Variants in IL18BP observed in about 807,000 individuals in gnomAD.
The protein encoded by IL18BP is interleukin-18-binding protein.
IL18BP carries 23 observed loss-of-function variants against 19.9 expected under a neutral mutation model. The ratio of observed to expected loss-of-function variants is 1.15; its 90% CI spans 0.83 to 1.64. The LOEUF (loss-of-function observed/expected upper bound fraction) is 1.64, where lower values mean the gene tolerates loss of function less well. IL18BP is among the 40% of genes most tolerant of loss of function. IL18BP has a pLI of 0.00. For missense variants in IL18BP, 239 were observed against 240.7 expected (o/e 0.99, Z 0.05); for synonymous variants, 107 against 101.0 (o/e 1.06, Z -0.35).
At chr11:72,005,958 C>CT (rs1054126438), downstream of IL18BP, 6 of 1,250,176 alleles carry the variant, frequency 4.8e-6, no homozygotes, top group South Asian at 5.7e-5. Context: ...TTTTAAAAAG[C>CT]TTTCCTCTTT....
chr11:72,003,656 C>T, downstream of IL18BP: 1 of 1,362,416 alleles, frequency 7.3e-7, no homozygotes, highest in Non-Finnish European at 1.0e-6. Flanking sequence ...CCTTGTGAGC[C>T]CCAGGGTTAT....
At chr11:71,999,823 G>T in intron 1 of IL18BP, 104 bp from the exon 2 acceptor site, 1 of 652,874 alleles carries the variant, frequency 1.5e-6, no homozygotes, top group Non-Finnish European at 2.7e-6. Context: ...TGCTGAAAGA[G>T]CTCCAGGCTA....
downstream of IL18BP, chr11:72,003,681 G>C (rs923506957): frequency 2.6e-6 from 3 of 1,141,438 alleles, no homozygotes; most frequent in Non-Finnish European, 3.9e-6. Context: ...TGCTGGCTGT[G>C]CCTGAGCAGC....
downstream of IL18BP, chr11:72,007,665 G>A (rs75840418): frequency 3.0e-3 from 1,772 of 584,206 alleles, 6 homozygotes; most frequent in South Asian, 4.3e-3. Context: ...CCCAGACCCA[G>A]ATGTCCCATC....
At chr11:72,004,824 G>A (rs765574311), downstream of IL18BP, 4 of 1,556,832 alleles carry the variant, frequency 2.6e-6, no homozygotes, top group Admixed American at 1.9e-5. Context: ...AGGCTGCATG[G>A]GTGGAAGAGG....
At chr11:72,003,308 CCA>C, downstream of IL18BP, 1 of 587,772 alleles carries the variant, frequency 1.7e-6, no homozygotes, top group Non-Finnish European at 3.1e-6. Flanking sequence ...GGGAGAGCGC[CCA>C]CACTGTCCAT....
downstream of IL18BP, chr11:72,005,113 C>T: frequency 8.4e-7 from 1 of 1,183,886 alleles, no homozygotes; most frequent in Non-Finnish European, 1.2e-6. Context: ...ATGAGAAGGT[C>T]ACCCTCCCCC....
intron 5 of IL18BP, 71 bp downstream of exon 5, chr11:72,001,623 G>T: frequency 1.9e-6 from 3 of 1,588,934 alleles, no homozygotes; most frequent in Non-Finnish European, 2.6e-6. Context: ...GGAAAGGGTG[G>T]GCTCTGCCAG....
In IL18BP at chr11:72,002,783, TG is replaced by T; in HGVS notation, c.*924del. On this transcript the variant is annotated 3_prime_UTR_variant, in exon 6 of 6. Coordinates refer to ENST00000393703, the MANE Select transcript of IL18BP (RefSeq NM_001039660.2). ...AAGGGATGAGAGAAAGGAGGTGGTA[TG>T]GAAGACTCAGCAGGAACAAGGTAGG... 1 of 186,086 alleles carries T rather than the reference TG, an allele frequency of 5.4e-6. No individual in the cohort carries two copies. The highest frequency in any genetic ancestry group is 1.1e-5 in the Non-Finnish European group (1 of 87,742). 11.5% of individuals were successfully genotyped at this position (186,086 alleles called of 1,614,324 possible).
chr11:72,003,794 G>A (rs888672886), downstream of IL18BP: 14 of 1,329,688 alleles, frequency 1.1e-5, no homozygotes, highest in East Asian at 4.9e-5. Flanking sequence ...GCAGCCTGGC[G>A]TGGCCCCATC....
Position 72,001,593 on chromosome 11 carries a change from T to C in IL18BP, c.507+41T>C, listed in dbSNP as rs1026961683. 7 of 1,597,910 alleles carry C rather than the reference T, an allele frequency of 4.4e-6. No individual in the cohort carries two copies. Among genetic ancestry groups the C allele is most frequent in the Non-Finnish European group, 5.1e-6 (6 of 1,172,192 alleles). ...AGAGGCCTCCAGGAACAGGAGGAGC[T>C]CTGCTTCCATATGTGGGGAGGAAAG... On this transcript the variant is annotated intron_variant, in intron 5 of 5. Coordinates refer to ENST00000393703, the MANE Select transcript of IL18BP (RefSeq NM_001039660.2).
rs764615342 is a variant in IL18BP at position 72,001,821 on chromosome 11, C to T, written c.545C>T (p.Ala182Val). ...GCAACCTTGCCCCCCACCCAAGAAG[C>T]CCTGCCCTCCAGCCACAGCAGTCCA... ...LRATLPPTQEALPSSHSSPQQ... is the reference protein window; with the variant it reads ...LRATLPPTQEVLPSSHSSPQQ... Residue 182 changes from alanine (A) to valine (V), a missense_variant, in exon 6 of 6, where the codon GCC becomes GTC. Physicochemically the swap from Ala to Val is moderately conservative, Grantham distance 64. Coordinates refer to ENST00000393703, the MANE Select transcript of IL18BP (RefSeq NM_001039660.2). 4 of 1,614,034 alleles carry T rather than the reference C, an allele frequency of 2.5e-6. No individual in the cohort carries two copies. In the Admixed American group the frequency reaches 5.0e-5, roughly 20 times the overall value.
Position 72,000,474 on chromosome 11 carries a change from G to T in IL18BP, c.152G>T (p.Cys51Phe). The T allele has an allele frequency of 6.2e-7, 1 of 1,614,010 alleles. No homozygotes were observed. Among genetic ancestry groups the T allele is most frequent in the Non-Finnish European group, 8.5e-7 (1 of 1,180,004 alleles). Residue 51 changes from cysteine (C) to phenylalanine (F), a missense_variant, in exon 3 of 6, where the codon TGC becomes TTC. Coordinates refer to ENST00000393703, the MANE Select transcript of IL18BP (RefSeq NM_001039660.2). The stretch of plus-strand genomic sequence containing the variant: ...TCAGTTAGAAGCACAAAGGACCCCT[G>T]CCCCTCCCAGCCCCCAGTGTTCCCA... ...TASVRSTKDP[C>F]PSQPPVFPAA...
Position 72,001,329 on chromosome 11 carries a change from G to C in IL18BP, c.359+5G>C. 6.2e-7 allele frequency: 1 copy of C among 1,614,228 alleles called. No homozygotes were observed. Among genetic ancestry groups the C allele is most frequent in the African/African-American group, 1.3e-5 (1 of 75,060 alleles). ...ACTGTGGGAGGGGAGCACCAGGTGA[G>C]GGTCGCAGCAGCCAGGTGGGTGGGA... On this transcript the variant is annotated splice_donor_5th_base_variant and intron_variant, in intron 4 of 5. Coordinates refer to ENST00000393703, the MANE Select transcript of IL18BP (RefSeq NM_001039660.2).
Position 71,999,930 on chromosome 11 carries a change from AGAG to A in IL18BP, c.-52_-50del. 6.3e-7 allele frequency: 1 copy of A among 1,597,234 alleles called. No homozygotes were observed. Among genetic ancestry groups the A allele is most frequent in the Non-Finnish European group, 8.6e-7 (1 of 1,166,388 alleles). The stretch of plus-strand genomic sequence containing the variant: ...CTCCTCCCCCACCTTTCACCAGAGA[AGAG>A]GACGTTGTCACAGATAAAGAGCCAG... On this transcript the variant is annotated 5_prime_UTR_variant, in exon 2 of 6. Coordinates refer to ENST00000393703, the MANE Select transcript of IL18BP (RefSeq NM_001039660.2).
chr11:72,001,577 C>T (rs1219323784), intron 5 of IL18BP, 25 bp downstream of exon 5: 2 of 1,605,738 alleles, frequency 1.2e-6, no homozygotes, highest in Admixed American at 1.7e-5. Flanking sequence ...GAGAGGCCTC[C>T]AGGAACAGGA....
downstream of IL18BP, chr11:72,006,162 C>T (rs1305056480): frequency 2.5e-6 from 4 of 1,614,024 alleles, no homozygotes; most frequent in African/African-American, 4.0e-5. Context: ...GAGCTAGAGA[C>T]TGAGTAGAGG....
rs772602534 is a variant in IL18BP, at chr11:72,002,065, C to T, written c.*204C>T. 4.4e-6 allele frequency: 3 copies of T among 676,738 alleles called. No individual in the cohort carries two copies. The highest frequency in any genetic ancestry group is 2.7e-5 in the East Asian group (1 of 36,572). The allele number at this position is 676,738 out of a possible 1,614,324, so 41.9% of individuals were successfully genotyped here. Reference sequence around the variant, plus strand: ...AAATCACAGCCTCCTTATAATGCCTCCTCCTCCTGCCATTCTCTCTCCACC... The same window carrying T: ...AAATCACAGCCTCCTTATAATGCCTTCTCCTCCTGCCATTCTCTCTCCACC... On this transcript the variant is annotated 3_prime_UTR_variant, in exon 6 of 6. Coordinates refer to ENST00000393703, the MANE Select transcript of IL18BP (RefSeq NM_001039660.2).
Position 72,000,391 on chromosome 11 carries a change from C to A in IL18BP, c.69C>A (p.Val23=), listed in dbSNP as rs373119758. ...PLWVLLLCAH[V]VTLLVRATPV... ...GGGTCCTGCTCCTGTGTGCCCACGT[C>A]GTCACTCTCCTGGTCAGAGCCACAC... Residue 23 remains valine (V), a synonymous_variant, in exon 3 of 6, where the codon GTC becomes GTA. Transcript: ENST00000393703. 5.8e-5 allele frequency: 93 copies of A among 1,613,914 alleles called. No homozygotes were observed. Among genetic ancestry groups the A allele is most frequent in the Non-Finnish European group, 7.0e-5 (83 of 1,180,020 alleles).
Sources: allele counts gnomAD v4.1 joint callset, GRCh38; gene constraint gnomAD v4.1.1; transcripts MANE v1.5; gene names NCBI Gene and HGNC (gene_info 2026-07-23, HGNC 2026-07-21).